NDST1: variants seen among roughly 807,000 people sequenced by gnomAD.
NDST1 encodes bifunctional heparan sulfate N-deacetylase/N-sulfotransferase 1.
Under a neutral mutation model 92.8 loss-of-function variants are expected in NDST1, and 35 were observed. That is an observed-to-expected ratio of 0.38 (90% CI 0.29 to 0.50). NDST1 has a LOEUF of 0.50. NDST1 is among the 20% of genes least tolerant of loss of function. The pLI is 0.94. For synonymous variants in NDST1, 493 were observed against 500.3 expected, an observed-to-expected ratio of 0.99 and a Z score of 0.19; for missense variants, 822 against 1,182.7, an observed-to-expected ratio of 0.69 and a Z score of 4.47.
chr5:150,558,174 C>T lies in NDST1; in HGVS notation c.*4842C>T, dbSNP rs1040738116. Reference sequence around the variant, plus strand: ...AGACCTTCCTCCATTAATGTACAATCTCGAACTAACTGCTAATAAAGTGGG... The same window carrying T: ...AGACCTTCCTCCATTAATGTACAATTTCGAACTAACTGCTAATAAAGTGGG... On this transcript the variant is annotated 3_prime_UTR_variant, in exon 15 of 15. Transcript: ENST00000261797. The T allele has an allele frequency of 6.6e-6, 1 of 152,618 alleles. No homozygotes were observed. Among genetic ancestry groups the T allele is most frequent in the African/African-American group, 2.4e-5 (1 of 41,432 alleles). The allele number at this position is 152,618 out of a possible 1,614,324, so 9.5% of individuals were successfully genotyped here. A position where few individuals can be genotyped will look rare whatever the true frequency, so the allele number is the denominator to read the frequency against.
chr5:150,498,888 G>A (rs1753111855), intron 1 of NDST1, among the ~76,000 whole-genome samples: 1 of 152,192 alleles, frequency 6.6e-6, no homozygotes, highest in Admixed American at 6.5e-5. Flanking sequence ...AGGAAACACA[G>A]GAGTCTAGAT....
chr5:150,553,462 C>G lies in NDST1; in HGVS notation c.*130C>G. ...CTTATGAGCAATACTCTGTGGAGGTCTGGTGGGGCTGGGGGAGCACCCAGG... is the reference window on the plus strand; with the variant it reads ...CTTATGAGCAATACTCTGTGGAGGTGTGGTGGGGCTGGGGGAGCACCCAGG... On this transcript the variant is annotated 3_prime_UTR_variant, in exon 15 of 15. Transcript: ENST00000261797. The surrounding 1 kb of genome is among the most constrained non-coding windows in gnomAD (Gnocchi z 4.2). 1 of 1,311,618 alleles carries G rather than the reference C, an allele frequency of 7.6e-7. No homozygotes were observed. Among genetic ancestry groups the G allele is most frequent in the South Asian group, 1.2e-5 (1 of 84,892 alleles). 81.2% of individuals were successfully genotyped at this position (1,311,618 alleles called of 1,614,324 possible).
At chr5:150,516,025 C>T (rs749832062) in intron 1 of NDST1, among the ~76,000 whole-genome samples, 26 of 151,126 alleles carry the variant, frequency 1.7e-4, no homozygotes, top group Non-Finnish European at 3.5e-4. Flanking sequence ...TGCTCTCCCT[C>T]TGCCCTGGGT....
chr5:150,523,785 A>G (rs1470501696), intron 2 of NDST1, among the ~76,000 whole-genome samples: 1 of 152,170 alleles, frequency 6.6e-6, no homozygotes, highest in Non-Finnish European at 1.5e-5. Flanking sequence ...CAGAAGGTAA[A>G]CAGGAGGCCT....
chr5:150,501,998 G>A (rs1022768168), intron 1 of NDST1, among the ~76,000 whole-genome samples: 3 of 152,184 alleles, frequency 2.0e-5, no homozygotes, highest in Non-Finnish European at 4.4e-5. Context: ...GGCATGGGTG[G>A]CCAGAGGCAG....
At chr5:150,532,062 C>G (rs909816635) in intron 3 of NDST1, among the ~76,000 whole-genome samples, 2 of 152,154 alleles carry the variant, frequency 1.3e-5, no homozygotes, top group Non-Finnish European at 2.9e-5. Flanking sequence ...GCGGCAGTGA[C>G]CACAGACGTA....
intron 1 of NDST1, among the ~76,000 whole-genome samples, chr5:150,515,209 C>A (rs1753904147): frequency 6.6e-6 from 1 of 152,222 alleles, no homozygotes; most frequent in Non-Finnish European, 1.5e-5. Flanking sequence ...GGATACACAG[C>A]CCATTTGAGG....
At chr5:150,512,107 C>G (rs1278238443) in intron 1 of NDST1, among the ~76,000 whole-genome samples, 1 of 152,122 alleles carries the variant, frequency 6.6e-6, no homozygotes, top group South Asian at 2.1e-4. Context: ...CAGGTACCCA[C>G]CCATTCACAT....
At chr5:150,552,991 C>T (rs889705752) in intron 14 of NDST1, among the ~76,000 whole-genome samples, 5 of 152,176 alleles carry the variant, frequency 3.3e-5, no homozygotes, top group East Asian at 1.9e-4. Context: ...GGATTACTGG[C>T]GCCCACCACC....
In NDST1 at chr5:150,511,241, C is replaced by T; in HGVS notation, c.-388+3015C>T. ...GCTTGGAGATGCCGCGTAGCAGATT[C>T]ACAGAGGGGAAGGTAATTGGCAAGG... On this transcript the variant is annotated intron_variant, in intron 1 of 14. Transcript: ENST00000261797. 1.3e-5 allele frequency among the ~76,000 whole-genome samples: 2 copies of T among 152,194 alleles called. 1 individual carries two copies. Among genetic ancestry groups the T allele is most frequent in the Admixed American group, 1.3e-4 (2 of 15,284 alleles).
intron 1 of NDST1, among the ~76,000 whole-genome samples, chr5:150,514,797 A>C (rs1383486872): frequency 6.6e-6 from 1 of 152,280 alleles, no homozygotes. Flanking sequence ...TTGTCTCCTT[A>C]TCTGTAAATT....
chr5:150,531,364 C>T (rs986272886), intron 3 of NDST1, among the ~76,000 whole-genome samples: 4 of 152,194 alleles, frequency 2.6e-5, no homozygotes, highest in Admixed American at 1.3e-4. Flanking sequence ...ACAGCTGGAG[C>T]ATGCACGTCC....
rs1158374722 is a variant in NDST1, at chr5:150,553,921, G to T, written c.*589G>T. On this transcript the variant is annotated 3_prime_UTR_variant, in exon 15 of 15. Coordinates refer to ENST00000261797, the MANE Select transcript of NDST1 (RefSeq NM_001543.5). This position sits in a 1 kb window ranked among gnomAD's most constrained non-coding sequence, Gnocchi z 4.2. ...TCACATCTCACCCTCCCGTTCTGGG[G>T]AAGAATTTCTGGTTCCTACAGTATC... The T allele has an allele frequency of 1.9e-5, 8 of 426,126 alleles. No individual in the cohort carries two copies. The highest frequency in any genetic ancestry group is 2.9e-5 in the Non-Finnish European group (7 of 241,614). 26.4% of individuals were successfully genotyped at this position (426,126 alleles called of 1,614,324 possible).
chr5:150,539,233 C>T lies in NDST1; in HGVS notation c.1443C>T (p.Leu481=), dbSNP rs569626670. 6.5e-5 allele frequency: 105 copies of T among 1,613,974 alleles called. No homozygotes were observed. The East Asian group carries it at 2.2e-3, about 33-fold the overall frequency. ...RGFIHNGIMV[L]PRQTCGLFTH... Reference sequence around the variant, plus strand: ...CTCCCCCACCCCCTCCTCAGGTTCTCCCACGGCAGACCTGCGGCCTCTTCA... The same window carrying T: ...CTCCCCCACCCCCTCCTCAGGTTCTTCCACGGCAGACCTGCGGCCTCTTCA... Residue 481 remains leucine, a synonymous_variant, in exon 7 of 15, where the codon CTC becomes CTT. Transcript: ENST00000261797.
intron 12 of NDST1, among the ~76,000 whole-genome samples, chr5:150,548,610 C>T (rs1755592245): frequency 6.6e-6 from 1 of 152,034 alleles, no homozygotes; most frequent in South Asian, 2.1e-4. Context: ...GATCTCAGCT[C>T]ACTATAGCCT....
chr5:150,508,354 C>T (rs1455084124), intron 1 of NDST1, 128 bp downstream of exon 1: 2 of 133,856 alleles, frequency 1.5e-5, no homozygotes, highest in East Asian at 2.3e-4. Flanking sequence ...TGTGTGTGTC[C>T]CCAGGAGGGA....
chr5:150,551,660 T>G (rs6579792), intron 13 of NDST1, 93 bp from the exon 14 acceptor site: 1,182,234 of 1,484,326 alleles, frequency 0.8, 471,595 homozygotes, highest in African/African-American at 0.85. Flanking sequence ...GATTCCCTGG[T>G]CTCTGCCATT....
Position 150,521,166 on chromosome 5 carries a change from G to T in NDST1, c.-89G>T. On this transcript the variant is annotated 5_prime_UTR_variant, in exon 2 of 15. Transcript: ENST00000261797. The surrounding 1 kb of genome is among the most constrained non-coding windows in gnomAD (Gnocchi z 5.9). Reference sequence around the variant, plus strand: ...TAAGTCTCTGTGAATTTGTTGGTCAGTGGACGATTCTCGTGTCTCCTCCTG... The same window carrying T: ...TAAGTCTCTGTGAATTTGTTGGTCATTGGACGATTCTCGTGTCTCCTCCTG... 1 of 1,232,452 alleles carries T rather than the reference G, an allele frequency of 8.1e-7. No individual in the cohort carries two copies. The highest frequency in any genetic ancestry group is 1.4e-5 in the South Asian group (1 of 72,814). 76.3% of individuals were successfully genotyped at this position (1,232,452 alleles called of 1,614,324 possible).
At chr5:150,522,930 T>G (rs760798905) in intron 2 of NDST1, among the ~76,000 whole-genome samples, 1 of 152,222 alleles carries the variant, frequency 6.6e-6, no homozygotes, top group Non-Finnish European at 1.5e-5. Context: ...GCCTCTTGCT[T>G]GGTGTGAGCC....
Sources: gnomAD v4.1 joint callset for allele counts (sites outside exome capture counted in the v4.1 genomes callset) on GRCh38, gnomAD v4.1.1 for gene constraint, Gnocchi (gnomAD v3.1) non-coding constraint, MANE v1.5 for transcripts, NCBI Gene and HGNC (gene_info 2026-07-23, HGNC 2026-07-21) for gene names.